PCDH9: variants seen among roughly 807,000 people sequenced by gnomAD.
PCDH9 encodes the protein protocadherin 9.
A neutral mutation model predicts 70.6 loss-of-function variants in PCDH9; 24 were observed. That is an observed-to-expected ratio of 0.34 (90% CI 0.25 to 0.48). The LOEUF (loss-of-function observed/expected upper bound fraction) is 0.48. PCDH9 is among the 20% of genes least tolerant of loss of function. The probability of loss-of-function intolerance (pLI) is 0.99; values close to 1 mark genes in which losing one functional copy is unlikely to be tolerated. For synonymous variants in PCDH9, 562 were observed against 558.5 expected, an observed-to-expected ratio of 1.01 and a Z score of -0.09; for missense variants, 1,281 against 1,503.6, an observed-to-expected ratio of 0.85 and a Z score of 2.45.
chr13:66,377,382 C>T (rs944531086), intron 4 of PCDH9, among the ~76,000 whole-genome samples: 1 of 152,008 alleles, frequency 6.6e-6, no homozygotes, highest in Non-Finnish European at 1.5e-5. Flanking sequence ...AACAAGTTCC[C>T]AGGTGATACT....
chr13:66,486,405 T>C (rs916550406), intron 4 of PCDH9, among the ~76,000 whole-genome samples: 1 of 151,964 alleles, frequency 6.6e-6, no homozygotes, highest in African/African-American at 2.4e-5. Context: ...TTCGGTGAGC[T>C]GTGACTGTGC....
chr13:66,900,434 T>C (rs2082258306), intron 3 of PCDH9, among the ~76,000 whole-genome samples: 1 of 151,760 alleles, frequency 6.6e-6, no homozygotes, highest in Non-Finnish European at 1.5e-5. Context: ...TTTGTCAGAG[T>C]TAAATTGGCA....
At chr13:66,958,143 T>A (rs989458295) in intron 2 of PCDH9, among the ~76,000 whole-genome samples, 1 of 152,148 alleles carries the variant, frequency 6.6e-6, no homozygotes, top group Non-Finnish European at 1.5e-5. Context: ...ATGAAATCAG[T>A]GAAAACACAA....
At chr13:66,608,924 T>C (rs1189006148) in intron 4 of PCDH9, among the ~76,000 whole-genome samples, 1 of 152,210 alleles carries the variant, frequency 6.6e-6, no homozygotes, top group Non-Finnish European at 1.5e-5. Context: ...CAGCCTTGAA[T>C]TGCAGCAAAG....
At chr13:66,924,905 C>A (rs1337250518) in intron 2 of PCDH9, among the ~76,000 whole-genome samples, 1 of 151,646 alleles carries the variant, frequency 6.6e-6, no homozygotes, top group African/African-American at 2.4e-5. Context: ...CACTGGAAGG[C>A]AGAATATAAG....
chr13:66,771,773 A>C (rs1352740816), intron 3 of PCDH9, among the ~76,000 whole-genome samples: 2 of 152,242 alleles, frequency 1.3e-5, no homozygotes, highest in Admixed American at 1.3e-4. Context: ...TCAGTTTTCC[A>C]ATTATAAATG....
chr13:66,463,038 A>G (rs774173354), intron 4 of PCDH9, among the ~76,000 whole-genome samples: 1 of 151,880 alleles, frequency 6.6e-6, no homozygotes, highest in Non-Finnish European at 1.5e-5. Flanking sequence ...GCCTAACCCA[A>G]CAAATATAAT....
chr13:66,392,043 C>A (rs1374606237), intron 4 of PCDH9, among the ~76,000 whole-genome samples: 1 of 151,430 alleles, frequency 6.6e-6, no homozygotes, highest in African/African-American at 2.4e-5. Flanking sequence ...AAACATACTG[C>A]TATGGAAAGC....
intron 4 of PCDH9, among the ~76,000 whole-genome samples, chr13:66,335,249 TACA>T (rs1956017734): frequency 6.6e-6 from 1 of 152,152 alleles, no homozygotes; most frequent in African/African-American, 2.4e-5. Flanking sequence ...TACGCTGAAG[TACA>T]ACATTTCTAG....
At chr13:66,469,629 G>T (rs559807411) in intron 4 of PCDH9, among the ~76,000 whole-genome samples, 1 of 151,978 alleles carries the variant, frequency 6.6e-6, no homozygotes, top group Non-Finnish European at 1.5e-5. Context: ...ATGCCACAGC[G>T]TGTTTTAATT....
chr13:66,753,755 A>G (rs1436118326), intron 3 of PCDH9, among the ~76,000 whole-genome samples: 6 of 152,180 alleles, frequency 3.9e-5, no homozygotes, highest in African/African-American at 1.4e-4. Flanking sequence ...ACACTGCTAA[A>G]TCATTCTAAA....
intron 4 of PCDH9, among the ~76,000 whole-genome samples, chr13:66,542,363 A>C: frequency 6.6e-6 from 1 of 152,118 alleles, no homozygotes; most frequent in East Asian, 1.9e-4. Flanking sequence ...GTTGTTATGA[A>C]GGTGTTTTAT....
chr13:66,789,933 T>A (rs577704049), intron 3 of PCDH9, among the ~76,000 whole-genome samples: 1 of 152,270 alleles, frequency 6.6e-6, no homozygotes, highest in East Asian at 1.9e-4. Context: ...TGAGTAAGGC[T>A]GGAGTCTAGT....
At chr13:66,644,159 A>C (rs2077741327) in intron 3 of PCDH9, among the ~76,000 whole-genome samples, 2 of 152,000 alleles carry the variant, frequency 1.3e-5, no homozygotes, top group African/African-American at 4.8e-5. Flanking sequence ...CAATTGCTTA[A>C]ACATGTGTAT....
chr13:67,085,840 T>G (rs1443307068), intron 2 of PCDH9, among the ~76,000 whole-genome samples: 2 of 152,216 alleles, frequency 1.3e-5, no homozygotes, highest in Non-Finnish European at 2.9e-5. Context: ...ATTTTCTTAT[T>G]AGCCTAGTTA....
intron 4 of PCDH9, among the ~76,000 whole-genome samples, chr13:66,625,657 TG>T (rs2077488529): frequency 9.7e-6 from 1 of 103,332 alleles, no homozygotes; most frequent in South Asian, 4.6e-4. Context: ...CAACATATAG[TG>T]GAATTTTTTT....
Position 66,946,504 on chromosome 13 carries a change from T to C in PCDH9, c.3037-42899A>G, listed in dbSNP as rs2083089984. Among the ~76,000 whole-genome samples the C allele has an allele frequency of 3.9e-5, 6 of 152,208 alleles. No individual in the cohort carries two copies. The South Asian group carries it at 1.2e-3, about 32-fold the overall frequency. On this transcript the variant is annotated intron_variant, in intron 2 of 4. Transcript: ENST00000377865. ...GGGCAACACAGCGAGATCCCATCTC[T>C]AATTTTTTAAAAAGATTTTTATAGT...
chr13:66,518,275 C>T (rs1040417080), intron 4 of PCDH9, among the ~76,000 whole-genome samples: 1 of 152,056 alleles, frequency 6.6e-6, no homozygotes, highest in African/African-American at 2.4e-5. Flanking sequence ...GGTGCTAAGC[C>T]ATTCATGAAG....
intron 2 of PCDH9, among the ~76,000 whole-genome samples, chr13:66,921,414 A>T (rs796309414): frequency 1.3e-5 from 2 of 151,340 alleles, no homozygotes; most frequent in African/African-American, 4.8e-5. Context: ...CAACTCAGTC[A>T]TCGTGAGCAT....
Sources: allele counts gnomAD v4.1 joint callset (sites outside exome capture counted in the v4.1 genomes callset), GRCh38; gene constraint gnomAD v4.1.1; transcripts MANE v1.5; gene names NCBI Gene and HGNC (gene_info 2026-07-23, HGNC 2026-07-21).